The following SPATA13 variants were observed in gnomAD, a reference collection of about 807,000 sequenced individuals.
SPATA13 encodes spermatogenesis-associated protein 13.
Under a neutral mutation model 104.0 loss-of-function variants are expected in SPATA13, and 50 were observed. That is an observed-to-expected ratio of 0.48 (90% CI 0.38 to 0.61). The LOEUF is 0.61. Among genes scored for constraint, SPATA13 ranks in the 20% least tolerant of loss-of-function variants. The pLI is 0.00. For missense variants in SPATA13, 1,524 were observed against 1,690.6 expected (o/e 0.90, Z 1.73); for synonymous variants, 606 against 667.5 (o/e 0.91, Z 1.42).
rs1871696188 is a variant in SPATA13 at position 24,223,093 on chromosome 13, G to T, written c.164G>T (p.Ser55Ile). The change falls in exon 2 of 13, where the codon AGC (serine) becomes ATC (isoleucine). Residue 55 changes from serine (S) to isoleucine (I), a missense_variant. Physicochemically the swap from Ser to Ile is moderately radical, Grantham distance 142. This residue lies in a region of SPATA13 where 1,089 missense variants were observed against 1,135.9 expected (regional missense o/e 0.96). Transcript: ENST00000382108. ...TGTGGAAATGGAGTCTGTGGCTGCA[G>T]CCCTGGTGGCGACACGGACACCCAG... ...LACGNGVCGC[S>I]PGGDTDTQEA... The T allele has an allele frequency of 2.6e-6, 4 of 1,551,744 alleles. No homozygotes were observed. In the South Asian group the frequency reaches 4.8e-5, roughly 18 times the overall value.
intron 2 of SPATA13, among the ~76,000 whole-genome samples, chr13:24,228,328 G>T (rs1308340035): frequency 6.6e-6 from 1 of 151,948 alleles, no homozygotes; most frequent in Non-Finnish European, 1.5e-5. Context: ...TGTTAGCCAG[G>T]ATGGTGTCGA....
chr13:24,001,414 G>A (rs970689665), intron 2 of SPATA13, among the ~76,000 whole-genome samples: 1 of 151,956 alleles, frequency 6.6e-6, no homozygotes, highest in African/African-American at 2.4e-5. Flanking sequence ...GTGTGAGAGA[G>A]GTGAGGTGTG....
intron 3 of SPATA13, among the ~76,000 whole-genome samples, chr13:24,078,806 T>C (rs1206953350): frequency 2.6e-5 from 4 of 152,230 alleles, no homozygotes; most frequent in Non-Finnish European, 5.9e-5. Context: ...AGCCCTGGCT[T>C]GCTCATTCAT....
intron 2 of SPATA13, among the ~76,000 whole-genome samples, chr13:24,004,703 T>G (rs1489767673): frequency 2.0e-5 from 3 of 152,158 alleles, no homozygotes; most frequent in Middle Eastern, 3.4e-3. Context: ...GGGCTGAAAA[T>G]TTACATTCCA....
intron 3 of SPATA13, chr13:24,122,757 A>T: frequency 1.2e-6 from 1 of 819,286 alleles, no homozygotes; most frequent in Non-Finnish European, 2.2e-6. Context: ...TTGCTGGAAG[A>T]CTTCAAATAC....
At chr13:24,300,055 T>A (rs1450948407) in intron 11 of SPATA13, among the ~76,000 whole-genome samples, 1 of 152,184 alleles carries the variant, frequency 6.6e-6, no homozygotes, top group Non-Finnish European at 1.5e-5. Context: ...TGCTCTGTCC[T>A]CTCCTTCTGG....
intron 1 of SPATA13, among the ~76,000 whole-genome samples, chr13:24,164,411 C>T (rs1312266234): frequency 6.6e-6 from 1 of 152,218 alleles, no homozygotes; most frequent in Non-Finnish European, 1.5e-5. Context: ...TGCTCACCTC[C>T]TCCATACCAG....
chr13:24,145,958 G>A (rs7333431), intron 3 of SPATA13, among the ~76,000 whole-genome samples: 97,953 of 152,080 alleles, frequency 0.64, 33,315 homozygotes, highest in Non-Finnish European at 0.76. Context: ...AAGTCAACAG[G>A]CATAGACTGC....
chr13:24,235,646 A>C (rs1368909315), intron 2 of SPATA13, among the ~76,000 whole-genome samples: 1 of 152,182 alleles, frequency 6.6e-6, no homozygotes, highest in Non-Finnish European at 1.5e-5. Flanking sequence ...GGCCCCAGCT[A>C]CTTAGGAAGC....
intron 3 of SPATA13, among the ~76,000 whole-genome samples, chr13:24,097,256 A>G (rs747093650): frequency 6.6e-6 from 1 of 152,188 alleles, no homozygotes; most frequent in African/African-American, 2.4e-5. Context: ...AACATGTTGC[A>G]TCATCCATTT....
intron 1 of SPATA13, among the ~76,000 whole-genome samples, chr13:23,980,736 C>T (rs946300657): frequency 6.6e-6 from 1 of 152,142 alleles, no homozygotes; most frequent in South Asian, 2.1e-4. Flanking sequence ...GGATTACAGG[C>T]GGCCGTCGCT....
At chr13:24,004,333 T>C (rs1219273051) in intron 2 of SPATA13, among the ~76,000 whole-genome samples, 1 of 152,230 alleles carries the variant, frequency 6.6e-6, no homozygotes, top group African/African-American at 2.4e-5. Flanking sequence ...TTTGAACAGA[T>C]ACCATTTACG....
At chr13:24,177,186 C>T (rs61192628) in intron 1 of SPATA13, among the ~76,000 whole-genome samples, 25,672 of 152,158 alleles carry the variant, frequency 0.17, 2,322 homozygotes, top group East Asian at 0.37. Flanking sequence ...TGGACACAAA[C>T]GTTGCTTTAC....
intron 4 of SPATA13, among the ~76,000 whole-genome samples, chr13:24,257,329 A>G (rs2248605): frequency 0.71 from 107,490 of 152,036 alleles, 38,216 homozygotes; most frequent in East Asian, 0.83. Flanking sequence ...CCCGTGCACC[A>G]AAGTCAGTCG....
At chr13:24,146,718 T>A (rs1456305602) in intron 3 of SPATA13, among the ~76,000 whole-genome samples, 2 of 152,206 alleles carry the variant, frequency 1.3e-5, no homozygotes, top group Non-Finnish European at 2.9e-5. Context: ...TGTTATACAT[T>A]TAATTAGTAT....
intron 1 of SPATA13, among the ~76,000 whole-genome samples, chr13:24,220,496 C>T (rs1301591339): frequency 6.6e-6 from 1 of 152,212 alleles, no homozygotes; most frequent in Non-Finnish European, 1.5e-5. Context: ...ATGAAATTCC[C>T]TATCCCTTCT....
intron 3 of SPATA13, among the ~76,000 whole-genome samples, chr13:24,024,688 AATGTTATATATTATATAT>A (rs1478928051): frequency 3.3e-5 from 5 of 151,584 alleles, no homozygotes; most frequent in Admixed American, 2.6e-4. Flanking sequence ...ATGACATAAA[AATGTTATATATTATATAT>A]ATGTTATATA....
intron 12 of SPATA13, among the ~76,000 whole-genome samples, chr13:24,301,592 C>T (rs918837708): frequency 1.1e-4 from 16 of 152,322 alleles, no homozygotes; most frequent in African/African-American, 3.6e-4. Flanking sequence ...TCACAGGTGG[C>T]TACCGGGTGG....
intron 1 of SPATA13, among the ~76,000 whole-genome samples, chr13:24,166,051 T>G (rs570887706): frequency 2.6e-5 from 4 of 152,326 alleles, no homozygotes; most frequent in African/African-American, 9.6e-5. Context: ...TAAAAGTCTT[T>G]CTCATTCATC....
Sources: gnomAD v4.1 joint callset for allele counts (sites outside exome capture counted in the v4.1 genomes callset) on GRCh38, gnomAD v4.1.1 for gene constraint, gnomAD v4.1.1 regional missense constraint, MANE v1.5 for transcripts, NCBI Gene and HGNC (gene_info 2026-07-23, HGNC 2026-07-21) for gene names.